Variants in CACNB2 observed in about 807,000 individuals in gnomAD.
The protein encoded by CACNB2 is calcium voltage-gated channel auxiliary subunit beta 2.
Under a neutral mutation model 73.3 loss-of-function variants are expected in CACNB2, and 42 were observed. The ratio of observed to expected loss-of-function variants is 0.57; its 90% CI spans 0.45 to 0.74. CACNB2 has a LOEUF of 0.74. Among genes scored for constraint, CACNB2 ranks in the 30% least tolerant of loss-of-function variants. CACNB2 has a pLI of 0.00. For synonymous variants in CACNB2, 348 were observed against 310.3 expected (o/e 1.12, Z -1.28); for missense variants, 940 against 853.0 (o/e 1.10, Z -1.27).
chr10:18,280,443 T>C (rs1024912274), intron 2 of CACNB2, among the ~76,000 whole-genome samples: 8 of 152,124 alleles, frequency 5.3e-5, no homozygotes, highest in Admixed American at 1.3e-4. Context: ...GGTCCTAAAG[T>C]CTACTATTGA....
At chr10:18,477,384 T>C (rs1482256105) in intron 3 of CACNB2, among the ~76,000 whole-genome samples, 2 of 152,208 alleles carry the variant, frequency 1.3e-5, no homozygotes, top group Non-Finnish European at 2.9e-5. Flanking sequence ...CTCTTGGGAA[T>C]GCAGCCCAGT....
intron 2 of CACNB2, among the ~76,000 whole-genome samples, chr10:18,259,232 T>G (rs2131587702): frequency 6.6e-6 from 1 of 152,236 alleles, no homozygotes; most frequent in Non-Finnish European, 1.5e-5. Context: ...TATCAACCTC[T>G]TAGACTATTA....
At chr10:18,360,706 G>A (rs10764440) in intron 2 of CACNB2, among the ~76,000 whole-genome samples, 80,552 of 151,952 alleles carry the variant, frequency 0.53, 22,071 homozygotes, top group East Asian at 0.95. Context: ...TCATGAGTGA[G>A]GAGAGCAGGC....
intron 2 of CACNB2, among the ~76,000 whole-genome samples, chr10:18,269,901 A>G (rs1245371714): frequency 1.3e-5 from 2 of 152,140 alleles, no homozygotes; most frequent in Non-Finnish European, 2.9e-5. Flanking sequence ...CCATTCAATC[A>G]TGTTCGATCA....
At chr10:18,209,654 A>G (rs2035238465) in intron 2 of CACNB2, among the ~76,000 whole-genome samples, 1 of 152,152 alleles carries the variant, frequency 6.6e-6, no homozygotes, top group Non-Finnish European at 1.5e-5. Context: ...TATATGTAGC[A>G]TACCCAAACT....
intron 2 of CACNB2, among the ~76,000 whole-genome samples, chr10:18,306,693 C>A (rs1467480915): frequency 6.6e-6 from 1 of 152,006 alleles, no homozygotes; most frequent in Non-Finnish European, 1.5e-5. Context: ...TAGCTAGGAG[C>A]CAAAGATAGT....
At chr10:18,271,634 C>T (rs1200331110) in intron 2 of CACNB2, among the ~76,000 whole-genome samples, 5 of 152,042 alleles carry the variant, frequency 3.3e-5, no homozygotes, top group South Asian at 2.1e-4. Flanking sequence ...TTCCTTCTCC[C>T]GGTGGCAGCA....
chr10:18,498,661 G>T (rs1380805439), intron 4 of CACNB2, 184 bp downstream of exon 4: 7 of 634,576 alleles, frequency 1.1e-5, no homozygotes, highest in Non-Finnish European at 1.4e-5. Context: ...AAAGTGGAAA[G>T]AAGTCACAGG....
chr10:18,380,454 T>TTC lies in CACNB2; in HGVS notation c.214-21469_214-21468insCT, dbSNP rs199598969. 1.7e-4 allele frequency among the ~76,000 whole-genome samples: 23 copies of TTC among 136,974 alleles called. No homozygotes were observed. The East Asian group carries it at 5.7e-3, about 34-fold the overall frequency. The allele number at this position is 136,974 out of a possible 152,430, so 89.9% of individuals were successfully genotyped here. ...GCTAACTTGAAACATGTGTTTTTCTTTTTTTTTTTTTTTTTTTTGAGATGG... is the reference window on the plus strand; with the variant it reads ...GCTAACTTGAAACATGTGTTTTTCTTTCTTTTTTTTTTTTTTTTTTGAGATGG... On this transcript the variant is annotated intron_variant, in intron 2 of 13. Transcript: ENST00000324631.
In CACNB2 at chr10:18,380,221, A is replaced by C. The variant is rs149680782; in HGVS notation, c.214-21703A>C. Among the ~76,000 whole-genome samples, 547 of 152,212 alleles carry C rather than the reference A, an allele frequency of 3.6e-3. 1 individual carries two copies. The highest frequency in any genetic ancestry group is 6.4e-3 in the Non-Finnish European group (432 of 68,028). On this transcript the variant is annotated intron_variant, in intron 2 of 13. Coordinates refer to ENST00000324631, the MANE Select transcript of CACNB2 (RefSeq NM_201596.3). Reference sequence around the variant, plus strand: ...AACAGTGTTCCTCATTCCTTCTTAAAATATTTTTAAAATGTTTTTTGAACC... The same window carrying C: ...AACAGTGTTCCTCATTCCTTCTTAACATATTTTTAAAATGTTTTTTGAACC...
At chr10:18,381,500 C>G (rs2043016087) in intron 2 of CACNB2, among the ~76,000 whole-genome samples, 1 of 151,746 alleles carries the variant, frequency 6.6e-6, no homozygotes, top group South Asian at 2.1e-4. Context: ...CCAGCCTGGC[C>G]AATATGGTGA....
chr10:18,239,821 C>T (rs779432695), intron 2 of CACNB2, among the ~76,000 whole-genome samples: 3 of 152,162 alleles, frequency 2.0e-5, no homozygotes, highest in Non-Finnish European at 1.5e-5. Context: ...TCACCCTCCC[C>T]AGCTCCAAAG....
In CACNB2 at chr10:18,193,281, T is replaced by TG. The variant is rs542125586; in HGVS notation, c.213+42306_213+42307insG. 9.2e-5 allele frequency among the ~76,000 whole-genome samples: 14 copies of TG among 151,722 alleles called. No homozygotes were observed. The East Asian group carries it at 2.7e-3, about 29-fold the overall frequency. On this transcript the variant is annotated intron_variant, in intron 2 of 13. Transcript: ENST00000324631. Reference sequence around the variant, plus strand: ...GAGAAAGTGTCAAGCTTTTTTTTTTTTACAGTGATTGAATCATTATACATT... The same window carrying TG: ...GAGAAAGTGTCAAGCTTTTTTTTTTTGTACAGTGATTGAATCATTATACATT...
chr10:18,307,157 T>C (rs999469579), intron 2 of CACNB2, among the ~76,000 whole-genome samples: 1 of 151,968 alleles, frequency 6.6e-6, no homozygotes, highest in African/African-American at 2.4e-5. Context: ...ACCTCAAAAG[T>C]TGGTAAATAA....
intron 10 of CACNB2, among the ~76,000 whole-genome samples, chr10:18,533,867 G>A (rs895211062): frequency 6.6e-6 from 1 of 152,194 alleles, no homozygotes; most frequent in Non-Finnish European, 1.5e-5. Context: ...GTAGCCGGTT[G>A]ACAGAAAAAT....
chr10:18,344,742 A>C (rs1428144512), intron 2 of CACNB2, among the ~76,000 whole-genome samples: 1 of 152,230 alleles, frequency 6.6e-6, no homozygotes, highest in Non-Finnish European at 1.5e-5. Flanking sequence ...TGCCTGAACG[A>C]CACCAGCCTG....
chr10:18,498,519 C>T, intron 4 of CACNB2, 42 bp downstream of exon 4: 2 of 1,598,736 alleles, frequency 1.3e-6, no homozygotes, highest in Non-Finnish European at 8.6e-7. Context: ...TGATGTTTCA[C>T]CTTGACATAC....
At chr10:18,240,767 C>T (rs998729022) in intron 2 of CACNB2, among the ~76,000 whole-genome samples, 2 of 152,086 alleles carry the variant, frequency 1.3e-5, no homozygotes, top group Non-Finnish European at 2.9e-5. Context: ...CATTAAGAAT[C>T]CTGAGCAGAT....
At chr10:18,424,796 T>G (rs2045513380) in intron 3 of CACNB2, among the ~76,000 whole-genome samples, 1 of 152,256 alleles carries the variant, frequency 6.6e-6, no homozygotes, top group Non-Finnish European at 1.5e-5. Flanking sequence ...CTTGTTGATT[T>G]GTATCACCAT....
Sources: gnomAD v4.1 joint callset for allele counts (sites outside exome capture counted in the v4.1 genomes callset) on GRCh38, gnomAD v4.1.1 for gene constraint, MANE v1.5 for transcripts, NCBI Gene and HGNC (gene_info 2026-07-23, HGNC 2026-07-21) for gene names.